The following HTR7 variants were observed in gnomAD, a reference collection of about 807,000 sequenced individuals.
The protein encoded by HTR7 is 5-hydroxytryptamine receptor 7, also known as 5-HT-7.
Under a neutral mutation model 34.0 loss-of-function variants are expected in HTR7, and 16 were observed. That is an observed-to-expected ratio of 0.47 (90% CI 0.32 to 0.71). The LOEUF is 0.71. Among genes scored for constraint, HTR7 ranks in the 30% least tolerant of loss-of-function variants. The pLI is 0.04. For synonymous variants in HTR7, 265 were observed against 260.2 expected, an observed-to-expected ratio of 1.02 and a Z score of -0.18; for missense variants, 504 against 625.5, an observed-to-expected ratio of 0.81 and a Z score of 2.07.
rs754237808 is a variant in HTR7 at position 90,742,551 on chromosome 10, T to C, written c.1394-23A>G. 5.3e-6 allele frequency: 8 copies of C among 1,514,524 alleles called. No homozygotes were observed. In the Admixed American group the frequency reaches 6.8e-5, roughly 13 times the overall value. 93.8% of individuals were successfully genotyped at this position (1,514,524 alleles called of 1,614,324 possible). On this transcript the variant is annotated intron_variant, in intron 3 of 3. Transcript: ENST00000336152. ...TGTCTAAAAAAAAGAGAGAGAAAAA[T>C]AGAAAATAATTTAGTAGAACTGTAA...
chr10:90,826,395 A>C (rs1846074233), intron 1 of HTR7, among the ~76,000 whole-genome samples: 3 of 152,204 alleles, frequency 2.0e-5, no homozygotes, highest in Admixed American at 2.0e-4. Flanking sequence ...GCAATAAGAA[A>C]TCATCTGAAG....
intron 1 of HTR7, among the ~76,000 whole-genome samples, chr10:90,767,318 C>T (rs1845040418): frequency 6.6e-6 from 1 of 152,180 alleles, no homozygotes; most frequent in South Asian, 2.1e-4. Context: ...CCAATTAGTC[C>T]TTCTTTATAT....
At chr10:90,784,165 G>A (rs1479988336) in intron 1 of HTR7, among the ~76,000 whole-genome samples, 1 of 152,188 alleles carries the variant, frequency 6.6e-6, no homozygotes, top group Non-Finnish European at 1.5e-5. Flanking sequence ...GCCAGCTGAG[G>A]AGATTTAACC....
chr10:90,753,249 A>C (rs1283014077), intron 1 of HTR7, among the ~76,000 whole-genome samples: 1 of 152,098 alleles, frequency 6.6e-6, no homozygotes, highest in Non-Finnish European at 1.5e-5. Flanking sequence ...CTAATGGACA[A>C]AGCCAGGCGC....
At chr10:90,771,615 T>G (rs1845113111) in intron 1 of HTR7, among the ~76,000 whole-genome samples, 1 of 152,206 alleles carries the variant, frequency 6.6e-6, no homozygotes, top group African/African-American at 2.4e-5. Flanking sequence ...CCCAGAGAGC[T>G]GACGCCCATG....
chr10:90,834,191 G>A (rs1030946148), intron 1 of HTR7, among the ~76,000 whole-genome samples: 4 of 152,168 alleles, frequency 2.6e-5, no homozygotes, highest in African/African-American at 9.7e-5. Context: ...CACATTTCCA[G>A]AGCACATTCT....
rs1475935211 is a variant in HTR7 at position 90,741,892 on chromosome 10, G to A, written c.*590C>T. ...GTGAGTTAACACAGAAAAGTACATA[G>A]GTGGGGAAATCACAGAGACCCTGCA... On this transcript the variant is annotated 3_prime_UTR_variant, in exon 4 of 4. Transcript: ENST00000336152. 6.6e-6 allele frequency: 1 copy of A among 152,018 alleles called. No homozygotes were observed. Among genetic ancestry groups the A allele is most frequent in the Non-Finnish European group, 1.5e-5 (1 of 67,824 alleles). 9.4% of individuals were successfully genotyped at this position (152,018 alleles called of 1,614,324 possible).
chr10:90,857,988 G>C lies in HTR7; in HGVS notation c.-317C>G, dbSNP rs1279549517. Among the ~76,000 whole-genome samples the C allele has an allele frequency of 6.6e-6, 1 of 150,744 alleles. No homozygotes were observed. Among genetic ancestry groups the C allele is most frequent in the African/African-American group, 2.4e-5 (1 of 41,262 alleles). On this transcript the variant is annotated 5_prime_UTR_variant, in exon 1 of 4. Coordinates refer to ENST00000336152, the MANE Select transcript of HTR7 (RefSeq NM_019859.4). The surrounding 1 kb of genome is among the most constrained non-coding windows in gnomAD (Gnocchi z 6.5). ...GGCAGCTCCACAGTTCGCAGCAGCAGCTCGGCTGCGCCGAGAGCGCCCGGG... is the reference window on the plus strand; with the variant it reads ...GGCAGCTCCACAGTTCGCAGCAGCACCTCGGCTGCGCCGAGAGCGCCCGGG...
rs1303612560 is a variant in HTR7, at chr10:90,857,311, C to G, written c.361G>C (p.Val121Leu). The change falls in exon 1 of 4, where the codon GTG (valine) becomes CTG (leucine). Residue 121 changes from valine to leucine, a missense_variant. Physicochemically the swap from Val to Leu is conservative, Grantham distance 32. Around this residue, in one of 4 missense-constraint regions of HTR7, gnomAD observed 154 missense variants for 248.8 expected, o/e 0.62. Transcript: ENST00000336152. The surrounding 1 kb of genome is among the most constrained non-coding windows in gnomAD (Gnocchi z 6.5). The stretch of plus-strand genomic sequence containing the variant: ...GAGAGGTCGGCCAGCGCCAGGGACA[C>G]GATCAGGTAGTTGGAGGGCTGGCGG... Reference protein sequence around the residue: ...KLRQPSNYLIVSLALADLSVA... With the variant: ...KLRQPSNYLILSLALADLSVA... 9 of 1,613,888 alleles carry G rather than the reference C, an allele frequency of 5.6e-6. No homozygotes were observed. Among genetic ancestry groups the G allele is most frequent in the Non-Finnish European group, 7.6e-6 (9 of 1,180,014 alleles).
At chr10:90,805,780 C>T (rs1845695988) in intron 1 of HTR7, among the ~76,000 whole-genome samples, 1 of 152,092 alleles carries the variant, frequency 6.6e-6, no homozygotes, top group Non-Finnish European at 1.5e-5. Flanking sequence ...TGTTTCACTA[C>T]CAAATTTTAT....
chr10:90,852,884 G>A (rs2120131087), intron 1 of HTR7, among the ~76,000 whole-genome samples: 1 of 152,258 alleles, frequency 6.6e-6, no homozygotes, highest in African/African-American at 2.4e-5. Flanking sequence ...ACCTCTGGGA[G>A]GTTGCCAGTG....
intron 1 of HTR7, among the ~76,000 whole-genome samples, chr10:90,777,616 G>T (rs1845239727): frequency 6.6e-6 from 1 of 152,120 alleles, no homozygotes; most frequent in Non-Finnish European, 1.5e-5. Context: ...AACTTTTCCA[G>T]GTGCCACCTG....
At chr10:90,786,742 C>T (rs531822889) in intron 1 of HTR7, among the ~76,000 whole-genome samples, 2 of 152,266 alleles carry the variant, frequency 1.3e-5, no homozygotes, top group Non-Finnish European at 1.5e-5. Context: ...TATTCCTTGT[C>T]TTGACATTTG....
At chr10:90,748,218 T>C (rs1844669757) in intron 2 of HTR7, among the ~76,000 whole-genome samples, 2 of 152,094 alleles carry the variant, frequency 1.3e-5, no homozygotes, top group South Asian at 4.1e-4. Flanking sequence ...CACTGCATAA[T>C]CCAACCCCTG....
At chr10:90,744,212 G>C (rs1183343750) in intron 2 of HTR7, among the ~76,000 whole-genome samples, 7 of 150,536 alleles carry the variant, frequency 4.7e-5, no homozygotes, top group African/African-American at 1.5e-4. Context: ...GGGGAGCAAA[G>C]GGTTCTGATT....
At chr10:90,839,044 A>T (rs1332264659) in intron 1 of HTR7, among the ~76,000 whole-genome samples, 2 of 152,224 alleles carry the variant, frequency 1.3e-5, no homozygotes, top group Admixed American at 6.5e-5. Flanking sequence ...AATAAATATT[A>T]AAAAAGCAAA....
At chr10:90,826,323 C>T (rs1846072705) in intron 1 of HTR7, among the ~76,000 whole-genome samples, 1 of 152,124 alleles carries the variant, frequency 6.6e-6, no homozygotes, top group Non-Finnish European at 1.5e-5. Context: ...ATTTTATCAA[C>T]AGCAGACCTG....
chr10:90,779,557 G>A (rs939529497), intron 1 of HTR7, among the ~76,000 whole-genome samples: 1 of 151,980 alleles, frequency 6.6e-6, no homozygotes, highest in Non-Finnish European at 1.5e-5. Context: ...TTTTTCACTC[G>A]TCACCTCTTC....
intron 1 of HTR7, among the ~76,000 whole-genome samples, chr10:90,837,232 C>T (rs1342557190): frequency 3.2e-4 from 49 of 152,206 alleles, no homozygotes; most frequent in Admixed American, 3.2e-3. Context: ...TTTATCCATC[C>T]ATTCATTCAA....
Sources: allele counts gnomAD v4.1 joint callset (sites outside exome capture counted in the v4.1 genomes callset), GRCh38; gene constraint gnomAD v4.1.1; regional missense constraint gnomAD v4.1.1; non-coding constraint Gnocchi (gnomAD v3.1); transcripts MANE v1.5; gene names NCBI Gene and HGNC (gene_info 2026-07-23, HGNC 2026-07-21).